ASTN2: variants seen among roughly 807,000 people sequenced by gnomAD.
ASTN2 encodes astrotactin-2.
In ASTN2, 54 loss-of-function variants were observed where a neutral mutation model predicts 139.8. The ratio of observed to expected loss-of-function variants is 0.39; its 90% CI spans 0.31 to 0.48. The LOEUF (loss-of-function observed/expected upper bound fraction) is 0.48. Among genes scored for constraint, ASTN2 ranks in the 20% least tolerant of loss-of-function variants. ASTN2 has a pLI of 0.95. For missense variants in ASTN2, 1,565 were observed against 1,725.1 expected (o/e 0.91, Z 1.64); for synonymous variants, 756 against 719.5 (o/e 1.05, Z -0.81).
At chr9:116,706,770 T>A in intron 16 of ASTN2, among the ~76,000 whole-genome samples, 1 of 147,006 alleles carries the variant, frequency 6.8e-6, no homozygotes, top group Non-Finnish European at 1.5e-5. Context: ...ATTTTTTTTT[T>A]TTTTTTTTTT....
intron 2 of ASTN2, among the ~76,000 whole-genome samples, chr9:117,254,624 T>C (rs1833633773): frequency 2.0e-5 from 3 of 152,246 alleles, no homozygotes; most frequent in African/African-American, 7.2e-5. Context: ...ATTTAAATTA[T>C]GTCCCATTGG....
intron 5 of ASTN2, among the ~76,000 whole-genome samples, chr9:117,074,562 G>T (rs1828226605): frequency 6.6e-6 from 1 of 152,150 alleles, no homozygotes; most frequent in Admixed American, 6.5e-5. Flanking sequence ...GGAAGTAAAG[G>T]CTAGAGAGGT....
intron 13 of ASTN2, among the ~76,000 whole-genome samples, chr9:116,785,777 T>C: frequency 6.6e-6 from 1 of 152,132 alleles, no homozygotes; most frequent in Non-Finnish European, 1.5e-5. Context: ...CTGAACATGC[T>C]CCAATCCACA....
intron 1 of ASTN2, among the ~76,000 whole-genome samples, chr9:117,344,588 A>C (rs558141075): frequency 6.6e-6 from 1 of 152,328 alleles, no homozygotes; most frequent in East Asian, 1.9e-4. Context: ...CCATAGAGTG[A>C]CACAGAATCA....
intron 19 of ASTN2, among the ~76,000 whole-genome samples, chr9:116,499,513 C>T (rs1012789998): frequency 3.9e-5 from 6 of 152,150 alleles, no homozygotes; most frequent in Non-Finnish European, 7.3e-5. Context: ...CTCCCTGTGT[C>T]CCTCTCTATT....
rs2132072067 is a variant in ASTN2, at chr9:116,698,282, G to A, written c.2806+27489C>T. 1 of 1,614,164 alleles carries A rather than the reference G, an allele frequency of 6.2e-7. No homozygotes were observed. The highest frequency in any genetic ancestry group is 8.5e-7 in the Non-Finnish European group (1 of 1,180,026). On this transcript the variant is annotated intron_variant, in intron 16 of 22. Transcript: ENST00000313400. This position sits in a 1 kb window ranked among gnomAD's most constrained non-coding sequence, Gnocchi z 4.4. ...GTGTCTCCAAGGACCTTCAGGCAAG[G>A]TATAAAGCAGTTCTCCAGGAGTATG...
At chr9:116,790,985 AAG>A (rs1212737523) in intron 13 of ASTN2, among the ~76,000 whole-genome samples, 1 of 107,770 alleles carries the variant, frequency 9.3e-6, no homozygotes, top group African/African-American at 3.5e-5. Context: ...GAAAGAAAGA[AAG>A]AAAGAAAGAA....
intron 19 of ASTN2, among the ~76,000 whole-genome samples, chr9:116,565,416 TA>T (rs1853171436): frequency 3.1e-5 from 4 of 129,510 alleles, no homozygotes; most frequent in East Asian, 2.1e-4. Context: ...TATATATATA[TA>T]TATATATATA....
At chr9:117,295,707 T>C (rs775548460) in intron 1 of ASTN2, among the ~76,000 whole-genome samples, 14 of 150,854 alleles carry the variant, frequency 9.3e-5, no homozygotes, top group Non-Finnish European at 1.8e-4. Context: ...GTGGAGGGAC[T>C]AAAAAATAGA....
chr9:116,650,893 A>G (rs1857869292), intron 17 of ASTN2, among the ~76,000 whole-genome samples: 1 of 150,796 alleles, frequency 6.6e-6, no homozygotes, highest in Non-Finnish European at 1.5e-5. Flanking sequence ...ATGCAGCACA[A>G]GGAACAGGCT....
At chr9:117,185,913 C>T (rs185253401) in intron 3 of ASTN2, among the ~76,000 whole-genome samples, 2 of 152,276 alleles carry the variant, frequency 1.3e-5, no homozygotes, top group Non-Finnish European at 2.9e-5. Flanking sequence ...AATAGTGTAT[C>T]TCCATGAAGC....
At chr9:116,967,212 C>A (rs1245732542) in intron 10 of ASTN2, among the ~76,000 whole-genome samples, 1 of 152,090 alleles carries the variant, frequency 6.6e-6, no homozygotes, top group African/African-American at 2.4e-5. Context: ...TTATCTCATT[C>A]CATTCTCAAA....
intron 10 of ASTN2, among the ~76,000 whole-genome samples, chr9:116,900,049 TA>T (rs111267859): frequency 3.2e-4 from 49 of 152,294 alleles, no homozygotes; most frequent in African/African-American, 1.1e-3. Context: ...AAACTATCTT[TA>T]AAAAACCTTA....
chr9:116,903,852 G>A (rs1394260261), intron 10 of ASTN2, among the ~76,000 whole-genome samples: 1 of 152,224 alleles, frequency 6.6e-6, no homozygotes, highest in African/African-American at 2.4e-5. Context: ...ATGCCCTGGG[G>A]ATGTGCTTCA....
At chr9:117,273,528 A>C in intron 2 of ASTN2, among the ~76,000 whole-genome samples, 1 of 152,290 alleles carries the variant, frequency 6.6e-6, no homozygotes, top group East Asian at 1.9e-4. Flanking sequence ...TTGGGACATA[A>C]AAAAGACTCA....
intron 5 of ASTN2, among the ~76,000 whole-genome samples, chr9:117,047,254 G>T (rs962317708): frequency 6.6e-6 from 1 of 152,160 alleles, no homozygotes; most frequent in Admixed American, 6.6e-5. Flanking sequence ...TCCTCAGCGT[G>T]TCTCTTATAT....
At chr9:117,043,781 G>T (rs188091440) in intron 5 of ASTN2, among the ~76,000 whole-genome samples, 6 of 151,924 alleles carry the variant, frequency 3.9e-5, no homozygotes, top group African/African-American at 1.4e-4. Context: ...GGTGGCAGGT[G>T]CCTGTAGTCC....
intron 16 of ASTN2, among the ~76,000 whole-genome samples, chr9:116,712,784 C>A (rs1465205270): frequency 6.6e-6 from 1 of 152,184 alleles, no homozygotes; most frequent in Admixed American, 6.5e-5. Context: ...GAAGAGAAGG[C>A]TCAAAAATAT....
chr9:116,618,785 G>A (rs984291383), intron 18 of ASTN2, among the ~76,000 whole-genome samples: 2 of 152,086 alleles, frequency 1.3e-5, no homozygotes, highest in African/African-American at 2.4e-5. Context: ...TATTCTCAAC[G>A]ATGCTTCACT....
Sources: allele counts gnomAD v4.1 joint callset (sites outside exome capture counted in the v4.1 genomes callset), GRCh38; gene constraint gnomAD v4.1.1; non-coding constraint Gnocchi (gnomAD v3.1); transcripts MANE v1.5; gene names NCBI Gene and HGNC (gene_info 2026-07-23, HGNC 2026-07-21).